The following CILK1 variants were observed in gnomAD, a reference collection of about 807,000 sequenced individuals.
CILK1 encodes the protein serine/threonine-protein kinase ICK.
In CILK1, 47 loss-of-function variants were observed where a neutral mutation model predicts 79.2. The ratio of observed to expected loss-of-function variants is 0.59; its 90% CI spans 0.47 to 0.76. CILK1 has a LOEUF of 0.76. CILK1 is among the 30% of genes least tolerant of loss of function. The pLI is 0.00. For missense variants in CILK1, 660 were observed against 769.5 expected (o/e 0.86, Z 1.68); for synonymous variants, 266 against 275.9 (o/e 0.96, Z 0.36).
At chr6:53,033,830 G>A (rs991435148) in intron 3 of CILK1, among the ~76,000 whole-genome samples, 2 of 152,130 alleles carry the variant, frequency 1.3e-5, no homozygotes, top group Non-Finnish European at 2.9e-5. Context: ...AGCAGCTGGC[G>A]AGAGAGAGGA....
chr6:53,042,290 A>G (rs1766773066), intron 1 of CILK1, among the ~76,000 whole-genome samples: 1 of 152,214 alleles, frequency 6.6e-6, no homozygotes, highest in Non-Finnish European at 1.5e-5. Context: ...CTCCAATTCA[A>G]TGCTTTTCTG....
At chr6:53,016,029 T>C in intron 8 of CILK1, 54 bp downstream of exon 8, 5 of 1,539,172 alleles carry the variant, frequency 3.2e-6, no homozygotes, top group South Asian at 1.1e-5. Flanking sequence ...GTGCAATTCA[T>C]AGAAATTATT....
rs547643459 is a variant in CILK1 at position 53,036,427 on chromosome 6, T to C, written c.156+1512A>G. Among the ~76,000 whole-genome samples the C allele has an allele frequency of 2.0e-5, 3 of 152,278 alleles. No homozygotes were observed. In the East Asian group the frequency reaches 5.8e-4, roughly 29 times the overall value. Reference sequence around the variant, plus strand: ...CAAGCTAAGAATATTTTTGTTTTTGTTTTTTTAAGACTGAGTCTTGCTCTG... The same window carrying C: ...CAAGCTAAGAATATTTTTGTTTTTGCTTTTTTAAGACTGAGTCTTGCTCTG... On this transcript the variant is annotated intron_variant, in intron 3 of 13. Transcript: ENST00000676107.
rs1554167514 is a variant in CILK1 at position 53,007,966 on chromosome 6, T to TA, written c.1621+1472dup. On this transcript the variant is annotated intron_variant, in intron 12 of 13. Transcript: ENST00000676107. The stretch of plus-strand genomic sequence containing the variant: ...AAATAAATAAATAAATAAAAATAAA[T>TA]AAATAAAATAAAATAAAATAAAATA... 3.5e-3 allele frequency among the ~76,000 whole-genome samples: 524 copies of TA among 150,178 alleles called. 2 individuals are homozygous for TA. The highest frequency in any genetic ancestry group is 0.012 in the African/African-American group (495 of 40,982).
Position 53,013,642 on chromosome 6 carries a change from G to A in CILK1, c.1152+20C>T, listed in dbSNP as rs1764715885. 2 of 1,610,178 alleles carry A rather than the reference G, an allele frequency of 1.2e-6. No individual in the cohort carries two copies. Among genetic ancestry groups the A allele is most frequent in the Non-Finnish European group, 1.7e-6 (2 of 1,176,694 alleles). On this transcript the variant is annotated intron_variant, in intron 9 of 13. Transcript: ENST00000676107. ...GGAATAAACAGACACGAAGCTCACT[G>A]GTGAATCTGGGCTGCTCACCGACTG...
Position 53,006,427 on chromosome 6 carries a change from G to A in CILK1, c.1632C>T (p.Ser544=), listed in dbSNP as rs1262440455. 1 of 1,613,818 alleles carries A rather than the reference G, an allele frequency of 6.2e-7. No homozygotes were observed. Among genetic ancestry groups the A allele is most frequent in the Non-Finnish European group, 8.5e-7 (1 of 1,179,824 alleles). Residue 544 remains serine, a synonymous_variant, in exon 13 of 14, where the codon AGC becomes AGT. Coordinates refer to ENST00000676107, the MANE Select transcript of CILK1 (RefSeq NM_014920.5). ...CAGTCAGTCCACTAGAACTTGTAGA[G>A]CTGGAACCAACTGATTTGCAAAAGC... The part of the protein sequence containing the change: ...VISKVNSVGS[S]STSSSGLTGN...
intron 1 of CILK1, chr6:53,057,807 T>G (rs150135580): frequency 6.6e-6 from 1 of 152,030 alleles, no homozygotes; most frequent in African/African-American, 2.4e-5. Context: ...ATCTTCAGAG[T>G]AGAATATTTT....
Position 53,002,197 on chromosome 6 carries a change from CAA to C in CILK1, c.*2950_*2951del, listed in dbSNP as rs955980334. 1 of 152,312 alleles carries C rather than the reference CAA, an allele frequency of 6.6e-6. No homozygotes were observed. Among genetic ancestry groups the C allele is most frequent in the East Asian group, 1.9e-4 (1 of 5,190 alleles). The allele number at this position is 152,312 out of a possible 1,614,324, so 9.4% of individuals were successfully genotyped here. A position where few individuals can be genotyped will look rare whatever the true frequency, so the allele number is the denominator to read the frequency against. On this transcript the variant is annotated 3_prime_UTR_variant, in exon 14 of 14. Coordinates refer to ENST00000676107, the MANE Select transcript of CILK1 (RefSeq NM_014920.5). ...TTTTTTGTAAAATGAACAATCATGT[CAA>C]GAGTAGTTTTTATGCAAATGCAGTT... is the stretch of plus-strand genomic sequence containing the variant.
In CILK1 at chr6:53,001,491, G is replaced by T. The variant is rs577828044; in HGVS notation, c.*3658C>A. 1 of 152,554 alleles carries T rather than the reference G, an allele frequency of 6.6e-6. No homozygotes were observed. The highest frequency in any genetic ancestry group is 1.5e-5 in the Non-Finnish European group (1 of 68,026). 9.5% of individuals were successfully genotyped at this position (152,554 alleles called of 1,614,324 possible). On this transcript the variant is annotated 3_prime_UTR_variant, in exon 14 of 14. Transcript: ENST00000676107. Reference sequence around the variant, plus strand: ...TGCTTTATAAATAAATATATTGTCGGTTACTCCATTGTAATCAAATCAGCT... The same window carrying T: ...TGCTTTATAAATAAATATATTGTCGTTTACTCCATTGTAATCAAATCAGCT...
In CILK1 at chr6:53,016,075, A is replaced by C; in HGVS notation, c.831+8T>G. 6.2e-7 allele frequency: 1 copy of C among 1,613,708 alleles called. No homozygotes were observed. Among genetic ancestry groups the C allele is most frequent in the South Asian group, 1.1e-5 (1 of 91,084 alleles). On this transcript the variant is annotated splice_region_variant and intron_variant, in intron 8 of 13. Transcript: ENST00000676107. ...TATGAACGTTATAACAAGAAAATGG[A>C]AGAAAACCTGACTAGCTGTTGGTCG...
chr6:53,023,768 A>C (rs144236006), intron 5 of CILK1, among the ~76,000 whole-genome samples: 1 of 152,250 alleles, frequency 6.6e-6, no homozygotes. Context: ...CTCTCTGTTC[A>C]TCATTCTAAA....
chr6:53,057,695 C>A (rs1768016585), intron 1 of CILK1: 1 of 152,014 alleles, frequency 6.6e-6, no homozygotes, highest in African/African-American at 2.4e-5. Context: ...AAACTTCAGA[C>A]AATAGAGTTA....
In CILK1 at chr6:53,013,851, T is replaced by C. The variant is rs1054805196; in HGVS notation, c.963A>G (p.Pro321=). 1 of 1,613,660 alleles carries C rather than the reference T, an allele frequency of 6.2e-7. No homozygotes were observed. The highest frequency in any genetic ancestry group is 1.3e-5 in the African/African-American group (1 of 74,870). Reference sequence around the variant, plus strand: ...GTGGCTTGGCTGGTGGCTGGGCAGGTGGGACTGGCTTAATATAAGGAGGTG... The same window carrying C: ...GTGGCTTGGCTGGTGGCTGGGCAGGCGGGACTGGCTTAATATAAGGAGGTG... ...AGPPPYIKPV[P]PAQPPAKPHT... Residue 321 remains proline, a synonymous_variant, in exon 9 of 14, where the codon CCA becomes CCG. Transcript: ENST00000676107.
At chr6:53,007,036 TGGTATTCTGGG>T (rs1479980442) in intron 12 of CILK1, among the ~76,000 whole-genome samples, 1 of 152,248 alleles carries the variant, frequency 6.6e-6, no homozygotes, top group African/African-American at 2.4e-5. Flanking sequence ...CTACTCGTCT[TGGTATTCTGGG>T]GAGGATAACA....
At chr6:53,009,679 A>G (rs1764444711) in intron 11 of CILK1, 112 bp from the exon 12 acceptor site, 2 of 910,822 alleles carry the variant, frequency 2.2e-6, no homozygotes, top group Non-Finnish European at 1.7e-6. Context: ...CTATGATACA[A>G]TAATCAAAGC....
In CILK1 at chr6:53,001,641, G is replaced by C. The variant is rs1763951729; in HGVS notation, c.*3508C>G. 6.7e-6 allele frequency: 1 copy of C among 149,740 alleles called. No individual in the cohort carries two copies. Among genetic ancestry groups the C allele is most frequent in the Non-Finnish European group, 1.5e-5 (1 of 68,002 alleles). The allele number at this position is 149,740 out of a possible 1,614,324, so 9.3% of individuals were successfully genotyped here. On this transcript the variant is annotated 3_prime_UTR_variant, in exon 14 of 14. Transcript: ENST00000676107. Reference sequence around the variant, plus strand: ...CAGATTAATGTGATATTTACCTCTAGTTTGTTTTCCTAATGGCTTCCATGA... The same window carrying C: ...CAGATTAATGTGATATTTACCTCTACTTTGTTTTCCTAATGGCTTCCATGA...
chr6:53,033,219 G>A (rs759049940), intron 3 of CILK1, among the ~76,000 whole-genome samples: 2 of 152,272 alleles, frequency 1.3e-5, no homozygotes, highest in Admixed American at 6.5e-5. Flanking sequence ...AGAAGGAGAC[G>A]GAAGGACCCT....
At chr6:53,056,182 GT>G (rs1198476153) in intron 1 of CILK1, among the ~76,000 whole-genome samples, 2 of 152,234 alleles carry the variant, frequency 1.3e-5, no homozygotes, top group Non-Finnish European at 2.9e-5. Flanking sequence ...ACAGCCACAT[GT>G]TATCAGTATT....
chr6:53,026,163 T>TTTTTG (rs1366458579), intron 5 of CILK1, among the ~76,000 whole-genome samples: 3 of 152,094 alleles, frequency 2.0e-5, no homozygotes, highest in Non-Finnish European at 4.4e-5. Flanking sequence ...GTTTGTTTGT[T>TTTTTG]TTTTGTTTTG....
Sources: allele counts gnomAD v4.1 joint callset (sites outside exome capture counted in the v4.1 genomes callset), GRCh38; gene constraint gnomAD v4.1.1; transcripts MANE v1.5; gene names NCBI Gene and HGNC (gene_info 2026-07-23, HGNC 2026-07-21).